WWOX: variants seen among roughly 807,000 people sequenced by gnomAD.
WWOX encodes the protein WW domain-containing oxidoreductase.
Under a neutral mutation model 46.2 loss-of-function variants are expected in WWOX, and 69 were observed. That is an observed-to-expected ratio of 1.49 (90% confidence interval 1.23 to 1.82). The LOEUF (loss-of-function observed/expected upper bound fraction) is 1.82, where lower values mean the gene tolerates loss of function less well. Ranked by LOEUF, WWOX falls within the 40% of genes most tolerant of loss-of-function variation. WWOX has a pLI of 0.00. For synonymous variants in WWOX, 359 were observed against 202.6 expected (o/e 1.77, Z -6.56); for missense variants, 919 against 542.6 (o/e 1.69, Z -6.89).
In WWOX at chr16:78,387,386, G is replaced by T. The variant is rs149172055; in HGVS notation, c.605+438G>T. Among the ~76,000 whole-genome samples the T allele has an allele frequency of 3.3e-5, 5 of 152,292 alleles. No homozygotes were observed. In the East Asian group the frequency reaches 7.7e-4, roughly 24 times the overall value. On this transcript the variant is annotated intron_variant, in intron 6 of 8. Transcript: ENST00000566780. ...AAGACCTCTAGTTTCTAAAGCCTTCGATGATTTGATGTGGTACATGGATGT... is the reference window on the plus strand; with the variant it reads ...AAGACCTCTAGTTTCTAAAGCCTTCTATGATTTGATGTGGTACATGGATGT...
intron 8 of WWOX, among the ~76,000 whole-genome samples, chr16:78,883,341 C>A (rs184280019): frequency 2.0e-5 from 3 of 152,230 alleles, no homozygotes; most frequent in African/African-American, 7.2e-5. Flanking sequence ...CTGGATTAGA[C>A]CCTGAATCAG....
chr16:78,424,569 T>C (rs951871289), intron 6 of WWOX, among the ~76,000 whole-genome samples: 2 of 152,206 alleles, frequency 1.3e-5, no homozygotes, highest in African/African-American at 4.8e-5. Context: ...GGGTGACAAC[T>C]CTTCGCAGAT....
At chr16:78,619,142 AATATATATATATATATATATATAT>A (rs71140816) in intron 8 of WWOX, among the ~76,000 whole-genome samples, 1 of 9,078 alleles carries the variant, frequency 1.1e-4, no homozygotes, top group African/African-American at 4.2e-4. Flanking sequence ...CTAAAAAAAA[AATATATATATATATATATATATAT>A]ATATATATAT....
chr16:78,956,043 G>T (rs1360796371), intron 8 of WWOX, among the ~76,000 whole-genome samples: 1 of 151,904 alleles, frequency 6.6e-6, no homozygotes, highest in Non-Finnish European at 1.5e-5. Flanking sequence ...TAGTTGGGGA[G>T]CCAAAATTGA....
chr16:78,411,954 G>T (rs943628506), intron 6 of WWOX, among the ~76,000 whole-genome samples: 2 of 152,224 alleles, frequency 1.3e-5, no homozygotes, highest in Non-Finnish European at 2.9e-5. Flanking sequence ...TCCATGGGGA[G>T]CTCTGGAGAA....
At chr16:78,789,721 A>G (rs945180686) in intron 8 of WWOX, among the ~76,000 whole-genome samples, 2 of 152,172 alleles carry the variant, frequency 1.3e-5, no homozygotes, top group African/African-American at 4.8e-5. Flanking sequence ...TATTTTTTGA[A>G]CAGTCATCAG....
At chr16:79,162,641 T>C (rs913182615) in intron 8 of WWOX, among the ~76,000 whole-genome samples, 1 of 152,190 alleles carries the variant, frequency 6.6e-6, no homozygotes, top group Non-Finnish European at 1.5e-5. Flanking sequence ...CCTTGGACCA[T>C]GTCTTCTGCT....
intron 8 of WWOX, among the ~76,000 whole-genome samples, chr16:78,669,017 G>A (rs983369424): frequency 5.3e-5 from 8 of 152,202 alleles, no homozygotes; most frequent in African/African-American, 1.7e-4. Flanking sequence ...TTGACCTTCA[G>A]AACGGCTTCC....
chr16:78,660,449 C>T (rs897442770), intron 8 of WWOX, among the ~76,000 whole-genome samples: 1 of 152,068 alleles, frequency 6.6e-6, no homozygotes, highest in East Asian at 1.9e-4. Flanking sequence ...TTTTCAGTTG[C>T]CAGTGGGAGA....
At chr16:78,344,497 T>A (rs2081063931) in intron 5 of WWOX, among the ~76,000 whole-genome samples, 1 of 121,234 alleles carries the variant, frequency 8.2e-6, no homozygotes, top group African/African-American at 2.8e-5. Flanking sequence ...ATACCAGGGT[T>A]TATTTAAATG....
At chr16:79,123,450 G>A (rs559877522) in intron 8 of WWOX, among the ~76,000 whole-genome samples, 80 of 152,222 alleles carry the variant, frequency 5.3e-4, no homozygotes, top group Middle Eastern at 6.8e-3. Context: ...CGTTTGTTGA[G>A]ACTCTTTTTC....
chr16:78,939,370 A>T (rs1179203581), intron 8 of WWOX, among the ~76,000 whole-genome samples: 3 of 152,116 alleles, frequency 2.0e-5, no homozygotes, highest in Admixed American at 6.6e-5. Context: ...AATTGCTGGG[A>T]TACTTTTTAG....
chr16:78,717,282 G>A (rs1012573296), intron 8 of WWOX, among the ~76,000 whole-genome samples: 1 of 152,194 alleles, frequency 6.6e-6, no homozygotes. Flanking sequence ...AGATCCAGTA[G>A]TTAAGAGCCT....
At chr16:78,576,014 T>C (rs1368897980) in intron 8 of WWOX, among the ~76,000 whole-genome samples, 1 of 152,178 alleles carries the variant, frequency 6.6e-6, no homozygotes, top group Non-Finnish European at 1.5e-5. Flanking sequence ...TGGATTATCA[T>C]TTATTTATGA....
chr16:78,532,824 C>A (rs2043655437), intron 8 of WWOX, among the ~76,000 whole-genome samples: 2 of 152,148 alleles, frequency 1.3e-5, no homozygotes, highest in Non-Finnish European at 2.9e-5. Flanking sequence ...TTACCTCCCA[C>A]CTGGTCCCTC....
At position 78,390,509 on chromosome 16, in the gene WWOX, C is replaced by G. The variant is rs140374007; in HGVS notation, c.605+3561C>G. On this transcript the variant is annotated intron_variant, in intron 6 of 8. Transcript: ENST00000566780. ...ATATAGAGACCTCTGTAGCACAACC[C>G]TCTTTGTATGTGTCCCATGAGAGTA... is the stretch of plus-strand genomic sequence containing the variant. 3.3e-3 allele frequency among the ~76,000 whole-genome samples: 507 copies of G among 152,272 alleles called. 1 individual carries two copies. The highest frequency in any genetic ancestry group is 0.011 in the African/African-American group (474 of 41,550).
intron 8 of WWOX, among the ~76,000 whole-genome samples, chr16:78,675,124 C>A (rs60003613): frequency 0.26 from 39,007 of 152,038 alleles, 8,061 homozygotes; most frequent in African/African-American, 0.58. Context: ...TGATCGGATC[C>A]TCATATTGGA....
chr16:78,503,477 G>A (rs1227490788), intron 8 of WWOX, among the ~76,000 whole-genome samples: 1 of 151,668 alleles, frequency 6.6e-6, no homozygotes, highest in Non-Finnish European at 1.5e-5. Context: ...TTTGATCAAG[G>A]TGATTTTGAT....
At chr16:78,361,038 G>A (rs550515436) in intron 5 of WWOX, among the ~76,000 whole-genome samples, 1 of 152,124 alleles carries the variant, frequency 6.6e-6, no homozygotes. Flanking sequence ...GCACAGGCTG[G>A]TTTTGAGCTC....
Sources: gnomAD v4.1 joint callset for allele counts (sites outside exome capture counted in the v4.1 genomes callset) on GRCh38, gnomAD v4.1.1 for gene constraint, MANE v1.5 for transcripts, NCBI Gene and HGNC (gene_info 2026-07-23, HGNC 2026-07-21) for gene names.